SLC30A9: variants seen among roughly 807,000 people sequenced by gnomAD.
SLC30A9 encodes solute carrier family 30 member 9.
A neutral mutation model predicts 87.5 loss-of-function variants in SLC30A9; 58 were observed. That is an observed-to-expected ratio of 0.66 (90% confidence interval 0.54 to 0.82). SLC30A9 has a LOEUF of 0.82. Among genes scored for constraint, SLC30A9 ranks in the 40% least tolerant of loss-of-function variants. The probability of loss-of-function intolerance (pLI) is 0.00; values close to 1 mark genes in which losing one functional copy is unlikely to be tolerated. For synonymous variants in SLC30A9, 234 were observed against 233.0 expected, an observed-to-expected ratio of 1.00 and a Z score of -0.04; for missense variants, 557 against 679.1, an observed-to-expected ratio of 0.82 and a Z score of 2.00.
At chr4:42,038,935 C>A in intron 7 of SLC30A9, 51 bp from the exon 8 acceptor site, 1 of 1,346,896 alleles carries the variant, frequency 7.4e-7, no homozygotes, top group African/African-American at 1.4e-5. Context: ...AGTTACAGTG[C>A]TTCTCTGCAA....
At chr4:42,079,595 C>T (rs1718681204) in intron 17 of SLC30A9, among the ~76,000 whole-genome samples, 3 of 139,190 alleles carry the variant, frequency 2.2e-5, no homozygotes, top group South Asian at 2.5e-4. Flanking sequence ...TGAGCCACCC[C>T]ACCCAGTCAC....
intron 1 of SLC30A9, among the ~76,000 whole-genome samples, chr4:41,998,594 G>A (rs1368461407): frequency 1.3e-5 from 2 of 151,792 alleles, no homozygotes; most frequent in African/African-American, 4.8e-5. Flanking sequence ...CTCCCGCATA[G>A]CTAGGATTAT....
intron 17 of SLC30A9, among the ~76,000 whole-genome samples, chr4:42,080,699 G>A (rs549285690): frequency 6.6e-6 from 1 of 152,290 alleles, no homozygotes; most frequent in South Asian, 2.1e-4. Context: ...GACACTCTTA[G>A]GCAGGACATG....
rs555991501 is a variant in SLC30A9, at chr4:41,998,017, A to G, written c.110-3599A>G. 3.3e-5 allele frequency among the ~76,000 whole-genome samples: 5 copies of G among 152,332 alleles called. No homozygotes were observed. In the East Asian group the frequency reaches 7.7e-4, roughly 23 times the overall value. ...TTGTTGCGGAAGCAACGTATACAGT[A>G]GACTGAGTTGTCAGTTTGTGTGAGA... On this transcript the variant is annotated intron_variant, in intron 1 of 17. Transcript: ENST00000264451.
intron 8 of SLC30A9, among the ~76,000 whole-genome samples, chr4:42,041,509 G>C (rs1307129061): frequency 1.3e-5 from 2 of 152,170 alleles, no homozygotes; most frequent in East Asian, 3.8e-4. Context: ...TGAAGCAGGA[G>C]GATTACTTGA....
intron 9 of SLC30A9, among the ~76,000 whole-genome samples, chr4:42,056,661 A>T (rs566587448): frequency 1.3e-5 from 2 of 152,154 alleles, no homozygotes; most frequent in African/African-American, 4.8e-5. Context: ...TTTCAAAACC[A>T]GTCATGCCTT....
At chr4:42,085,571 A>T (rs1357335317) in intron 17 of SLC30A9, among the ~76,000 whole-genome samples, 1 of 152,212 alleles carries the variant, frequency 6.6e-6, no homozygotes. Flanking sequence ...CTAATACTTT[A>T]ACTTGTAGAT....
intron 1 of SLC30A9, 81 bp from the exon 2 acceptor site, chr4:42,001,535 C>A: frequency 2.5e-6 from 2 of 798,716 alleles, no homozygotes; most frequent in Non-Finnish European, 4.0e-6. Context: ...CAGTGAAACA[C>A]CTCTGGAGAG....
intron 6 of SLC30A9, among the ~76,000 whole-genome samples, chr4:42,025,445 GTA>G (rs1298143514): frequency 2.0e-5 from 3 of 152,154 alleles, no homozygotes; most frequent in Non-Finnish European, 4.4e-5. Context: ...ACTGAAAATA[GTA>G]TGTCTCTTTT....
intron 8 of SLC30A9, among the ~76,000 whole-genome samples, chr4:42,042,634 G>A (rs528947589): frequency 6.6e-6 from 1 of 152,224 alleles, no homozygotes; most frequent in South Asian, 2.1e-4. Flanking sequence ...GGGTAGGGGC[G>A]GCTGTGGGCG....
At chr4:42,012,222 A>G (rs1443303940) in intron 2 of SLC30A9, among the ~76,000 whole-genome samples, 3 of 152,324 alleles carry the variant, frequency 2.0e-5, no homozygotes, top group East Asian at 3.9e-4. Flanking sequence ...AAGCTGACAA[A>G]GAGAAAAATC....
chr4:41,996,990 C>T (rs562124896), intron 1 of SLC30A9, among the ~76,000 whole-genome samples: 12 of 151,588 alleles, frequency 7.9e-5, no homozygotes, highest in South Asian at 2.1e-4. Context: ...GCTGAGATCA[C>T]GCCACTGCAC....
intron 2 of SLC30A9, among the ~76,000 whole-genome samples, chr4:42,011,338 C>T (rs1377390271): frequency 6.6e-6 from 1 of 152,192 alleles, no homozygotes; most frequent in Non-Finnish European, 1.5e-5. Flanking sequence ...CTGATTACCT[C>T]CTCCTGGTCC....
intron 6 of SLC30A9, chr4:42,029,457 T>G: frequency 1.5e-6 from 1 of 653,556 alleles, no homozygotes; most frequent in Non-Finnish European, 2.9e-6. Flanking sequence ...CACAGATTTC[T>G]CAGATCCAGC....
intron 2 of SLC30A9, among the ~76,000 whole-genome samples, chr4:42,016,187 C>T (rs1309445898): frequency 6.6e-6 from 1 of 152,074 alleles, no homozygotes; most frequent in African/African-American, 2.4e-5. Flanking sequence ...TAGGACAGTA[C>T]ATGGCACATG....
intron 3 of SLC30A9, among the ~76,000 whole-genome samples, chr4:42,019,902 T>C (rs1318443672): frequency 1.3e-5 from 2 of 152,140 alleles, no homozygotes; most frequent in African/African-American, 4.8e-5. Flanking sequence ...CAAGTGGTTC[T>C]CATGCCTCAG....
At chr4:42,034,442 G>A (rs74542222) in intron 6 of SLC30A9, among the ~76,000 whole-genome samples, 12 of 30,416 alleles carry the variant, frequency 3.9e-4, no homozygotes, top group Non-Finnish European at 2.0e-3. Flanking sequence ...GCCACCCCCC[G>A]GTCCCTGGCA....
rs535044593 is a variant in SLC30A9 at position 42,027,934 on chromosome 4, ACT to A, written c.610+4551_610+4552del. ...ACTAGTTGCTTCAAGAGTTGAGGAC[ACT>A]GAGGACAGACATCAGTAGTCAATTA... On this transcript the variant is annotated intron_variant, in intron 6 of 17. Coordinates refer to ENST00000264451, the MANE Select transcript of SLC30A9 (RefSeq NM_006345.4). Among the ~76,000 whole-genome samples the A allele has an allele frequency of 1.0e-3, 155 of 152,326 alleles. 1 individual carries two copies. Among genetic ancestry groups the A allele is most frequent in the African/African-American group, 3.6e-3 (150 of 41,580 alleles).
intron 1 of SLC30A9, among the ~76,000 whole-genome samples, chr4:41,993,752 G>T (rs1423456283): frequency 6.6e-6 from 1 of 152,170 alleles, no homozygotes; most frequent in African/African-American, 2.4e-5. Flanking sequence ...GTTTGCAGAA[G>T]TTTATTATAG....
Sources: allele counts gnomAD v4.1 joint callset (sites outside exome capture counted in the v4.1 genomes callset), GRCh38; gene constraint gnomAD v4.1.1; transcripts MANE v1.5; gene names NCBI Gene and HGNC (gene_info 2026-07-23, HGNC 2026-07-21).